Variants in NMNAT3 observed in about 807,000 individuals in gnomAD.
NMNAT3 encodes the protein nicotinamide nucleotide adenylyltransferase 3, also known as nicotinamide/nicotinic acid mononucleotide adenylyltransferase 3.
A neutral mutation model predicts 24.8 loss-of-function variants in NMNAT3; 21 were observed. The ratio of observed to expected loss-of-function variants is 0.85; its 90% CI spans 0.60 to 1.22. The LOEUF (loss-of-function observed/expected upper bound fraction) is 1.22. Among genes scored for constraint, NMNAT3 ranks in the 50% most tolerant of loss-of-function variants. The pLI, the probability that NMNAT3 is intolerant of heterozygous loss-of-function variation, is 0.00. For missense variants in NMNAT3, 387 were observed against 436.6 expected (o/e 0.89, Z 1.01); for synonymous variants, 136 against 155.2 (o/e 0.88, Z 0.92).
At chr3:139,659,822 C>T (rs1213425613) in intron 1 of NMNAT3, among the ~76,000 whole-genome samples, 5 of 152,228 alleles carry the variant, frequency 3.3e-5, no homozygotes, top group Admixed American at 6.5e-5. Flanking sequence ...GTGATTCTAG[C>T]GTGCAACGCA....
chr3:139,575,464 A>T, intron 5 of NMNAT3: 1 of 352,724 alleles, frequency 2.8e-6, no homozygotes, highest in Non-Finnish European at 4.0e-6. Context: ...CTTATATATA[A>T]AATAGGGCTA....
rs1456711792 is a variant in NMNAT3 at position 139,560,502 on chromosome 3, C to T, written c.*508G>A. ...TAAATCAGCAATGTGCTGTTTCCAA[C>T]TGTTTGACTCCTCAGTTCATATTCT... On this transcript the variant is annotated 3_prime_UTR_variant, in exon 7 of 7. Coordinates refer to ENST00000643695, the MANE Select transcript of NMNAT3 (RefSeq NM_001320510.2). The T allele has an allele frequency of 1.3e-5, 2 of 153,700 alleles. No homozygotes were observed. The highest frequency in any genetic ancestry group is 4.8e-5 in the African/African-American group (2 of 41,482). 9.5% of individuals were successfully genotyped at this position (153,700 alleles called of 1,614,324 possible).
chr3:139,650,021 C>T (rs1163190980), intron 1 of NMNAT3, among the ~76,000 whole-genome samples: 1 of 152,118 alleles, frequency 6.6e-6, no homozygotes, highest in African/African-American at 2.4e-5. Flanking sequence ...GCCCACTTGC[C>T]TTTTGGATAA....
intron 3 of NMNAT3, among the ~76,000 whole-genome samples, chr3:139,591,334 G>A (rs943295087): frequency 1.3e-5 from 2 of 152,090 alleles, no homozygotes; most frequent in Non-Finnish European, 1.5e-5. Context: ...ACGGAATCGC[G>A]CTGATTGCTA....
rs576279878 is a variant in NMNAT3, at chr3:139,572,973, G to A, written c.658+625C>T. Among the ~76,000 whole-genome samples, 4 of 152,268 alleles carry A rather than the reference G, an allele frequency of 2.6e-5. No homozygotes were observed. The East Asian group carries it at 7.8e-4, about 30-fold the overall frequency. On this transcript the variant is annotated intron_variant, in intron 6 of 6. Transcript: ENST00000643695. ...GAATCTGCACGCCCACCGCTGCATG[G>A]TGCTTCTGCTTATTTGCATGAGAGC... is the stretch of plus-strand genomic sequence containing the variant.
chr3:139,589,775 T>C (rs1259601901), intron 3 of NMNAT3, among the ~76,000 whole-genome samples: 1 of 152,194 alleles, frequency 6.6e-6, no homozygotes, highest in Non-Finnish European at 1.5e-5. Flanking sequence ...AAATAGGCTA[T>C]GGATCAGATT....
intron 2 of NMNAT3, among the ~76,000 whole-genome samples, chr3:139,634,178 C>T (rs2056412545): frequency 6.6e-6 from 1 of 152,200 alleles, no homozygotes; most frequent in South Asian, 2.1e-4. Flanking sequence ...GTAAGGAAGG[C>T]GACCCGGGAA....
rs1936269115 is a variant in NMNAT3, at chr3:139,560,693, G to A, written c.*317C>T. On this transcript the variant is annotated 3_prime_UTR_variant, in exon 7 of 7. Coordinates refer to ENST00000643695, the MANE Select transcript of NMNAT3 (RefSeq NM_001320510.2). ...CCATGCTCAGAACTGCATTCAGCGTGCATGCCATAATTACCATCCACACAA... is the reference window on the plus strand; with the variant it reads ...CCATGCTCAGAACTGCATTCAGCGTACATGCCATAATTACCATCCACACAA... The A allele has an allele frequency of 3.3e-6, 1 of 306,558 alleles. No homozygotes were observed. 19.0% of individuals were successfully genotyped at this position (306,558 alleles called of 1,614,324 possible).
chr3:139,673,164 ACT>A (rs1398219977), intron 1 of NMNAT3, among the ~76,000 whole-genome samples: 9 of 152,006 alleles, frequency 5.9e-5, no homozygotes, highest in Non-Finnish European at 1.3e-4. Context: ...TCTCAGGTGG[ACT>A]CTGTCACTCA....
At chr3:139,664,152 T>G (rs1051139031) in intron 1 of NMNAT3, among the ~76,000 whole-genome samples, 4 of 152,194 alleles carry the variant, frequency 2.6e-5, no homozygotes, top group Non-Finnish European at 5.9e-5. Context: ...GCACTTTATA[T>G]TACAGAAAAT....
At chr3:139,564,339 G>A (rs1936857658) in intron 6 of NMNAT3, among the ~76,000 whole-genome samples, 1 of 152,174 alleles carries the variant, frequency 6.6e-6, no homozygotes, top group South Asian at 2.1e-4. Context: ...GCATCTGACA[G>A]GCAGCACCTA....
intron 1 of NMNAT3, among the ~76,000 whole-genome samples, chr3:139,673,743 C>T (rs767463860): frequency 1.4e-4 from 22 of 152,066 alleles, no homozygotes; most frequent in South Asian, 4.2e-4. Flanking sequence ...GTTTGAATCC[C>T]CAGGACACTG....
intron 3 of NMNAT3, among the ~76,000 whole-genome samples, chr3:139,611,956 T>C (rs1576643203): frequency 6.6e-6 from 1 of 151,954 alleles, no homozygotes; most frequent in Non-Finnish European, 1.5e-5. Flanking sequence ...TCACCGGAGG[T>C]CGGGAGTTCG....
intron 5 of NMNAT3, among the ~76,000 whole-genome samples, chr3:139,577,122 T>G (rs1157228819): frequency 7.7e-6 from 1 of 129,866 alleles, no homozygotes; most frequent in African/African-American, 2.9e-5. Flanking sequence ...TGAGACCCTA[T>G]CTCAAAAAAA....
Position 139,582,979 on chromosome 3 carries a change from T to G in NMNAT3, c.339A>C (p.Ile113=), listed in dbSNP as rs1296752963. 1 of 1,578,488 alleles carries G rather than the reference T, an allele frequency of 6.3e-7. No homozygotes were observed. Among genetic ancestry groups the G allele is most frequent in the African/African-American group, 1.4e-5 (1 of 73,266 alleles). ...TGTTTGTTTGGTTCCAGGTGCTATC[T>G]ATAAATATAATTTTTTTCAGTGTTG... The change falls in exon 4 of 7, where the codon ATA becomes ATC. Residue 113 remains isoleucine, a synonymous_variant. Coordinates refer to ENST00000643695, the MANE Select transcript of NMNAT3 (RefSeq NM_001320510.2).
At chr3:139,670,250 C>T (rs2057715630) in intron 1 of NMNAT3, among the ~76,000 whole-genome samples, 1 of 152,214 alleles carries the variant, frequency 6.6e-6, no homozygotes, top group South Asian at 2.1e-4. Context: ...GAGCCCCAGG[C>T]CTCATCGTCT....
rs548157426 is a variant in NMNAT3 at position 139,599,439 on chromosome 3, T to C, written c.110-16231A>G. 1.7e-4 allele frequency: 122 copies of C among 701,292 alleles called. 5 individuals carry two copies. The South Asian group carries it at 1.8e-3, about 10-fold the overall frequency. The allele number at this position is 701,292 out of a possible 1,614,324, so 43.4% of individuals were successfully genotyped here. A position where few individuals can be genotyped will look rare whatever the true frequency, so the allele number is the denominator to read the frequency against. ...TGGTTGTGTTGGCTGAAGTGCACCC[T>C]GGGAAACAAAGGCCTTGAAAGACAA... On this transcript the variant is annotated intron_variant, in intron 3 of 6. Coordinates refer to ENST00000643695, the MANE Select transcript of NMNAT3 (RefSeq NM_001320510.2).
intron 3 of NMNAT3, among the ~76,000 whole-genome samples, chr3:139,605,641 T>C (rs1217652179): frequency 6.6e-6 from 1 of 152,150 alleles, no homozygotes; most frequent in African/African-American, 2.4e-5. Context: ...TTCTCTAAAG[T>C]TTCTTAATTG....
At chr3:139,664,444 C>A (rs1273004692) in intron 1 of NMNAT3, among the ~76,000 whole-genome samples, 2 of 152,162 alleles carry the variant, frequency 1.3e-5, no homozygotes, top group East Asian at 1.9e-4. Context: ...AAGAACAAAT[C>A]AGTTCCTCTT....
Sources: allele counts gnomAD v4.1 joint callset (sites outside exome capture counted in the v4.1 genomes callset), GRCh38; gene constraint gnomAD v4.1.1; transcripts MANE v1.5; gene names NCBI Gene and HGNC (gene_info 2026-07-23, HGNC 2026-07-21).